COL11A1: variants seen among roughly 807,000 people sequenced by gnomAD.
COL11A1 encodes collagen alpha-1(XI) chain.
In COL11A1, 74 loss-of-function variants were observed where a neutral mutation model predicts 265.2. That is an observed-to-expected ratio of 0.28 (90% CI 0.23 to 0.34). COL11A1 has a LOEUF of 0.34. COL11A1 is among the 10% of genes least tolerant of loss of function. The pLI is 1.00. For missense variants in COL11A1, 2,165 were observed against 2,263.6 expected, an observed-to-expected ratio of 0.96 and a Z score of 0.88; for synonymous variants, 816 against 727.6, an observed-to-expected ratio of 1.12 and a Z score of -1.96.
At chr1:102,905,266 T>A (rs1020981635) in intron 54 of COL11A1, among the ~76,000 whole-genome samples, 2 of 149,426 alleles carry the variant, frequency 1.3e-5, no homozygotes, top group Non-Finnish European at 3.0e-5. Context: ...GAGATATACC[T>A]AATGCTAAAT....
chr1:103,017,877 A>G lies in COL11A1; in HGVS notation c.1356T>C (p.Ile452=), dbSNP rs1388781448. The G allele has an allele frequency of 2.5e-6, 4 of 1,612,504 alleles. No homozygotes were observed. Among genetic ancestry groups the G allele is most frequent in the Middle Eastern group, 1.7e-4 (1 of 6,044 alleles). ...GGCCTTGTAGACCTGGAGGACCCAT[A>G]ATACCCTATAGAGAAACACACCATA... ...GPPGPAGPAG[I]MGPPGLQGPT... is the part of the protein sequence containing the mutation. The change falls in exon 11 of 67, where the codon ATT becomes ATC. Residue 452 remains isoleucine (I), a synonymous_variant. Transcript: ENST00000370096.
At chr1:103,084,878 T>C (rs1260831551) in intron 1 of COL11A1, among the ~76,000 whole-genome samples, 1 of 152,230 alleles carries the variant, frequency 6.6e-6, no homozygotes, top group Non-Finnish European at 1.5e-5. Context: ...CTACAGTCTA[T>C]TTCTGATCAC....
At chr1:102,970,101 A>T (rs1661816986) in intron 37 of COL11A1, 118 bp downstream of exon 37, 1 of 653,910 alleles carries the variant, frequency 1.5e-6, no homozygotes, top group Non-Finnish European at 2.7e-6. Flanking sequence ...AATGGAATTA[A>T]TTTTTCCATT....
At chr1:103,020,170 T>G (rs999410448) in intron 9 of COL11A1, among the ~76,000 whole-genome samples, 6 of 151,976 alleles carry the variant, frequency 3.9e-5, no homozygotes, top group African/African-American at 1.5e-4. Flanking sequence ...CCACACTGAC[T>G]TCCACAATGG....
At chr1:102,923,267 A>G in intron 47 of COL11A1, 69 bp downstream of exon 47, 1 of 1,251,434 alleles carries the variant, frequency 8.0e-7, no homozygotes, top group Non-Finnish European at 1.2e-6. Context: ...AGAACACATA[A>G]TACTTTACAA....
chr1:102,989,518 T>A lies in COL11A1; in HGVS notation c.2394A>T (p.Arg798Ser). ...TGGTGTACATTTTCTCTATACTTAC[T>A]CTGTCACCTTTTAGACCCATGTCAC... ...FKGDMGLKGD[R>S]GEVGQIGPRG... The change falls in exon 29 of 67, where the codon AGA becomes AGT. Residue 798 changes from arginine to serine, a missense_variant and splice_region_variant. Arg to Ser is a moderately radical substitution (Grantham distance 110). Coordinates refer to ENST00000370096, the MANE Select transcript of COL11A1 (RefSeq NM_001854.4). The A allele has an allele frequency of 6.2e-7, 1 of 1,606,492 alleles. No homozygotes were observed. Among genetic ancestry groups the A allele is most frequent in the East Asian group, 2.2e-5 (1 of 44,714 alleles).
intron 1 of COL11A1, among the ~76,000 whole-genome samples, chr1:103,086,176 A>C (rs971105003): frequency 3.9e-5 from 6 of 152,220 alleles, no homozygotes; most frequent in Non-Finnish European, 7.3e-5. Context: ...GACTCTGAAG[A>C]AGAATGTTTC....
chr1:102,921,260 A>G (rs890028157), intron 48 of COL11A1, among the ~76,000 whole-genome samples: 1 of 152,232 alleles, frequency 6.6e-6, no homozygotes, highest in African/African-American at 2.4e-5. Flanking sequence ...ACACAACATT[A>G]TAACATTTCT....
intron 29 of COL11A1, 149 bp from the exon 30 acceptor site, chr1:102,987,889 T>C: frequency 1.5e-6 from 1 of 682,932 alleles, no homozygotes; most frequent in Non-Finnish European, 2.6e-6. Flanking sequence ...TTCCTGGGCA[T>C]GGAGCAAGCT....
At position 102,978,708 on chromosome 1, in the gene COL11A1, T is replaced by G. The variant is rs1662739888; in HGVS notation, c.2754A>C (p.Arg918Ser). Reference sequence around the variant, plus strand: ...TATTATGTGGCTGTATCATACGTACTCTTTCACCTGGAGGGCCAGGAGGGC... The same window carrying G: ...TATTATGTGGCTGTATCATACGTACGCTTTCACCTGGAGGGCCAGGAGGGC... ...GDGPPGPPGE[R>S]GPQGPQGPVG... Residue 918 changes from arginine to serine, a missense_variant and splice_region_variant, in exon 35 of 67, where the codon AGA becomes AGC. Physicochemically the swap from Arg to Ser is moderately radical, Grantham distance 110. Transcript: ENST00000370096. 1 of 1,613,946 alleles carries G rather than the reference T, an allele frequency of 6.2e-7. No individual in the cohort carries two copies. Among genetic ancestry groups the G allele is most frequent in the Non-Finnish European group, 8.5e-7 (1 of 1,179,890 alleles).
intron 49 of COL11A1, among the ~76,000 whole-genome samples, chr1:102,916,319 T>C (rs922703847): frequency 6.6e-6 from 1 of 152,112 alleles, no homozygotes; most frequent in Non-Finnish European, 1.5e-5. Flanking sequence ...GACTAATAAA[T>C]AAATCTCTGT....
At chr1:102,950,137 C>T (rs1659733634) in intron 41 of COL11A1, among the ~76,000 whole-genome samples, 2 of 151,960 alleles carry the variant, frequency 1.3e-5, no homozygotes, top group Non-Finnish European at 2.9e-5. Flanking sequence ...AATAAAAATA[C>T]AAAAATTATC....
At chr1:103,076,047 A>C (rs558155911) in intron 3 of COL11A1, among the ~76,000 whole-genome samples, 1 of 152,294 alleles carries the variant, frequency 6.6e-6, no homozygotes, top group Non-Finnish European at 1.5e-5. Context: ...AACAATTTCA[A>C]TAATTAAAAC....
At chr1:103,031,842 T>C (rs140850049) in intron 4 of COL11A1, among the ~76,000 whole-genome samples, 1 of 149,822 alleles carries the variant, frequency 6.7e-6, no homozygotes, top group East Asian at 1.9e-4. Flanking sequence ...GTTTGATGCA[T>C]TTATATTAAG....
intron 4 of COL11A1, among the ~76,000 whole-genome samples, chr1:103,064,688 T>G (rs1310156598): frequency 1.6e-5 from 1 of 64,464 alleles, no homozygotes; most frequent in Non-Finnish European, 3.0e-5. Context: ...AGACTCCATC[T>G]CAAAAAAAAA....
intron 37 of COL11A1, among the ~76,000 whole-genome samples, chr1:102,966,708 C>G (rs2622850): frequency 1.1e-3 from 171 of 151,934 alleles, no homozygotes; most frequent in Middle Eastern, 6.9e-3. Flanking sequence ...TACATACACA[C>G]ATACCTAAAC....
chr1:103,081,740 C>A (rs1672429636), intron 2 of COL11A1, among the ~76,000 whole-genome samples: 1 of 151,718 alleles, frequency 6.6e-6, no homozygotes, highest in Admixed American at 6.6e-5. Flanking sequence ...CTCAAATTTC[C>A]TCAAGCAGAG....
intron 6 of COL11A1, 73 bp downstream of exon 6, chr1:103,026,142 GA>G (rs1300593615): frequency 1.6e-6 from 2 of 1,241,052 alleles, no homozygotes; most frequent in African/African-American, 3.0e-5. Flanking sequence ...TAAGTTTGAG[GA>G]ACAGTCAACA....
At chr1:102,930,563 T>G (rs1399963896) in intron 46 of COL11A1, among the ~76,000 whole-genome samples, 1 of 152,190 alleles carries the variant, frequency 6.6e-6, no homozygotes, top group Non-Finnish European at 1.5e-5. Flanking sequence ...CTTTTTTGGT[T>G]GTGTCTCTGC....
Sources: gnomAD v4.1 joint callset for allele counts (sites outside exome capture counted in the v4.1 genomes callset) on GRCh38, gnomAD v4.1.1 for gene constraint, MANE v1.5 for transcripts, NCBI Gene and HGNC (gene_info 2026-07-23, HGNC 2026-07-21) for gene names.